Variants in LRTM3 observed in about 807,000 individuals in gnomAD.
The protein encoded by LRTM3 is leucine-rich repeat transmembrane protein 3.
chr13:102,749,538 C>CCAGG, the LRTM3 span: 1 of 1,551,374 alleles, frequency 6.4e-7, no homozygotes, highest in Admixed American at 2.0e-5. Context: ...TCATCAGACT[C>CCAGG]CAGGCCCTTT....
chr13:102,749,967 C>T, the LRTM3 span: 1 of 1,550,978 alleles, frequency 6.4e-7, no homozygotes, highest in African/African-American at 1.4e-5. Flanking sequence ...CTAACTTGAT[C>T]TCTAGAAAGA....
At chr13:102,744,647 G>A in the LRTM3 span, 5 of 1,550,782 alleles carry the variant, frequency 3.2e-6, no homozygotes, top group Non-Finnish European at 4.4e-6. Context: ...TGATTTGCAA[G>A]GGTCAGGATC....
At chr13:102,730,042 A>ATT in the LRTM3 span, 1 of 1,551,446 alleles carries the variant, frequency 6.4e-7, no homozygotes, top group Non-Finnish European at 8.7e-7. Flanking sequence ...TTTCCGCAGT[A>ATT]TTTGATGAAC....
At chr13:102,736,541 G>C in the LRTM3 span, 1 of 1,551,110 alleles carries the variant, frequency 6.4e-7, no homozygotes, top group Non-Finnish European at 8.7e-7. Context: ...AAAGCTTCTT[G>C]TTATTCGTGG....
the LRTM3 span, among the ~76,000 whole-genome samples, chr13:102,756,113 C>T: frequency 6.6e-6 from 1 of 150,842 alleles, no homozygotes; most frequent in African/African-American, 2.4e-5. Context: ...CCACCACAGC[C>T]GGTTAATTTT....
chr13:102,747,235 A>T, the LRTM3 span: 1 of 1,550,512 alleles, frequency 6.4e-7, no homozygotes, highest in Non-Finnish European at 8.7e-7. Context: ...TTAATCTGCT[A>T]TACATTCTAG....
chr13:102,731,143 C>T, the LRTM3 span: 1 of 1,551,414 alleles, frequency 6.4e-7, no homozygotes, highest in Non-Finnish European at 8.7e-7. Flanking sequence ...CATTTTCTAG[C>T]TTATTAATAC....
the LRTM3 span, chr13:102,740,562 T>C: frequency 7.1e-6 from 11 of 1,549,352 alleles, no homozygotes; most frequent in Non-Finnish European, 9.6e-6. Flanking sequence ...CTTTTTTTAC[T>C]GTTTTGAGTA....
the LRTM3 span, among the ~76,000 whole-genome samples, chr13:102,755,717 C>T: frequency 1.1e-4 from 17 of 150,274 alleles, no homozygotes; most frequent in African/African-American, 2.4e-5. Context: ...CCATGGCACA[C>T]GTATCCCTAT....
At chr13:102,734,955 A>C in the LRTM3 span, 65 of 1,551,040 alleles carry the variant, frequency 4.2e-5, no homozygotes. Context: ...GGCCTTATAC[A>C]TGTGCCTCCC....
chr13:102,734,606 A>G, the LRTM3 span: 24 of 1,550,554 alleles, frequency 1.5e-5, no homozygotes, highest in Middle Eastern at 1.7e-4. Flanking sequence ...TTTTTGAGGG[A>G]TATGTTGCTT....
the LRTM3 span, chr13:102,743,324 C>A: frequency 6.4e-7 from 1 of 1,550,508 alleles, no homozygotes; most frequent in Non-Finnish European, 8.7e-7. Flanking sequence ...TTGGAATCCA[C>A]TTTGCCTTTT....
At chr13:102,735,859 G>A in the LRTM3 span, 1 of 1,541,300 alleles carries the variant, frequency 6.5e-7, no homozygotes, top group South Asian at 1.2e-5. Flanking sequence ...GAGGAGGAGG[G>A]AATGAAGCAG....
the LRTM3 span, chr13:102,759,009 C>T: frequency 5.6e-5 from 46 of 816,426 alleles, no homozygotes; most frequent in African/African-American, 5.0e-4. Context: ...TATAAAACCT[C>T]GGTATGCCCA....
At chr13:102,756,769 C>T in the LRTM3 span, among the ~76,000 whole-genome samples, 20,039 of 149,780 alleles carry the variant, frequency 0.13, 1,534 homozygotes, top group South Asian at 0.17. Context: ...TGTTTTTTCA[C>T]CATAATATGC....
At chr13:102,730,259 A>G in the LRTM3 span, 2 of 1,551,444 alleles carry the variant, frequency 1.3e-6, no homozygotes, top group East Asian at 2.4e-5. Flanking sequence ...CTGTAATTCA[A>G]ATAGAATGTT....
chr13:102,745,770 C>G, the LRTM3 span: 1 of 1,551,150 alleles, frequency 6.4e-7, no homozygotes. Flanking sequence ...ATTTCATCAA[C>G]CTTTGCTTCC....
At chr13:102,750,099 T>C in the LRTM3 span, 1 of 1,550,946 alleles carries the variant, frequency 6.4e-7, no homozygotes, top group East Asian at 2.4e-5. Flanking sequence ...GTTTTCATCA[T>C]TGAAAATAAT....
chr13:102,746,413 G>A, the LRTM3 span: 2 of 1,551,042 alleles, frequency 1.3e-6, no homozygotes, highest in African/African-American at 2.7e-5. Context: ...GAGACGCAGG[G>A]AGACAGAACT....
Sources: allele counts gnomAD v4.1 joint callset (sites outside exome capture counted in the v4.1 genomes callset), GRCh38; gene constraint gnomAD v4.1.1; transcripts MANE v1.5; gene names NCBI Gene and HGNC (gene_info 2026-07-23, HGNC 2026-07-21).